Variants in ERBB4 observed in about 807,000 individuals in gnomAD.
ERBB4 encodes the protein receptor tyrosine-protein kinase erbB-4.
In ERBB4, 42 loss-of-function variants were observed where a neutral mutation model predicts 158.0. That is an observed-to-expected ratio of 0.27 (90% CI 0.21 to 0.34). The LOEUF is 0.34. Among genes scored for constraint, ERBB4 ranks in the 10% least tolerant of loss-of-function variants. ERBB4 has a pLI of 1.00. For missense variants in ERBB4, 1,333 were observed against 1,624.1 expected (o/e 0.82, Z 3.08); for synonymous variants, 583 against 558.7 (o/e 1.04, Z -0.61).
At chr2:212,099,675 G>A (rs2079027500) in intron 2 of ERBB4, among the ~76,000 whole-genome samples, 1 of 151,408 alleles carries the variant, frequency 6.6e-6, no homozygotes, top group Non-Finnish European at 1.5e-5. Flanking sequence ...TTGGCTCTAG[G>A]GCAATGCCAA....
At chr2:212,482,180 A>C (rs1488877119) in intron 1 of ERBB4, among the ~76,000 whole-genome samples, 1 of 152,240 alleles carries the variant, frequency 6.6e-6, no homozygotes, top group Non-Finnish European at 1.5e-5. Flanking sequence ...CTTCACTTGC[A>C]AATGATCGAA....
intron 3 of ERBB4, among the ~76,000 whole-genome samples, chr2:211,927,668 A>AT (rs1302860767): frequency 1.1e-4 from 16 of 152,280 alleles, no homozygotes; most frequent in African/African-American, 3.8e-4. Context: ...AGTGAGGAAG[A>AT]TAAAACCAGT....
intron 3 of ERBB4, among the ~76,000 whole-genome samples, chr2:211,904,509 T>C (rs2079325321): frequency 6.6e-6 from 1 of 152,112 alleles, no homozygotes; most frequent in South Asian, 2.1e-4. Context: ...TAAAATACCA[T>C]ACAGTAGAAC....
At chr2:211,450,678 A>C (rs544831312) in intron 20 of ERBB4, among the ~76,000 whole-genome samples, 7 of 152,324 alleles carry the variant, frequency 4.6e-5, no homozygotes, top group African/African-American at 1.2e-4. Flanking sequence ...ACTAATGTTT[A>C]TATTATTCAG....
At chr2:212,369,645 C>A (rs1040501212) in intron 1 of ERBB4, among the ~76,000 whole-genome samples, 1 of 151,890 alleles carries the variant, frequency 6.6e-6, no homozygotes, top group African/African-American at 2.4e-5. Context: ...TGTCATTTAA[C>A]CTTGCTCTCT....
chr2:211,904,268 C>A (rs1241490240), intron 3 of ERBB4, among the ~76,000 whole-genome samples: 3 of 152,048 alleles, frequency 2.0e-5, no homozygotes, highest in Non-Finnish European at 4.4e-5. Context: ...ATGTAGAGAA[C>A]CGAACACTGC....
intron 4 of ERBB4, among the ~76,000 whole-genome samples, chr2:211,770,637 C>A (rs1470963219): frequency 6.6e-6 from 1 of 152,126 alleles, no homozygotes; most frequent in Non-Finnish European, 1.5e-5. Flanking sequence ...CTCAGATAGA[C>A]AATTTGAATT....
chr2:211,744,670 A>C (rs1235071874), intron 5 of ERBB4, among the ~76,000 whole-genome samples: 1 of 152,170 alleles, frequency 6.6e-6, no homozygotes, highest in African/African-American at 2.4e-5. Context: ...GTGGCTTCTC[A>C]CCATTTAGTG....
At chr2:212,026,510 A>C (rs2076776154) in intron 2 of ERBB4, among the ~76,000 whole-genome samples, 1 of 151,814 alleles carries the variant, frequency 6.6e-6, no homozygotes, top group African/African-American at 2.4e-5. Context: ...GAAATTTCAA[A>C]CCTATTTATT....
Position 212,142,962 on chromosome 2 carries a change from A to G in ERBB4, c.83-18059T>C, listed in dbSNP as rs189775991. On this transcript the variant is annotated intron_variant, in intron 1 of 27. Transcript: ENST00000342788. ...TTTTTTTTTTTCAAGTCCTGGCTGA[A>G]GCAAGTTAAATGTGACTTGTTAAAA... 9.3e-4 allele frequency among the ~76,000 whole-genome samples: 141 copies of G among 152,126 alleles called. 1 individual carries two copies. The highest frequency in any genetic ancestry group is 3.3e-3 in the African/African-American group (135 of 41,530).
intron 3 of ERBB4, among the ~76,000 whole-genome samples, chr2:211,791,204 G>A (rs951572108): frequency 3.3e-5 from 5 of 151,794 alleles, no homozygotes; most frequent in African/African-American, 9.7e-5. Context: ...AGGCTTGACC[G>A]CATTTTTTAG....
intron 3 of ERBB4, among the ~76,000 whole-genome samples, chr2:211,837,383 G>A (rs546675572): frequency 5.3e-5 from 8 of 152,164 alleles, no homozygotes; most frequent in Admixed American, 4.6e-4. Flanking sequence ...AGTACATAAA[G>A]GGCTCTTAAA....
intron 27 of ERBB4, among the ~76,000 whole-genome samples, chr2:211,385,337 A>G (rs1205115834): frequency 1.3e-5 from 2 of 152,120 alleles, no homozygotes; most frequent in Non-Finnish European, 2.9e-5. Context: ...CCAGCTTTGT[A>G]GACAGAAAAA....
intron 1 of ERBB4, among the ~76,000 whole-genome samples, chr2:212,427,142 A>C (rs1263745804): frequency 6.6e-6 from 1 of 152,164 alleles, no homozygotes; most frequent in African/African-American, 2.4e-5. Flanking sequence ...AAATGAGTGT[A>C]ATTAGCAGCG....
intron 2 of ERBB4, among the ~76,000 whole-genome samples, chr2:211,955,784 C>T (rs1456943670): frequency 2.0e-5 from 3 of 152,114 alleles, no homozygotes; most frequent in African/African-American, 7.2e-5. Context: ...TCTATAAATT[C>T]TGCCTGTTCA....
intron 1 of ERBB4, among the ~76,000 whole-genome samples, chr2:212,369,743 G>T (rs1002486453): frequency 6.6e-6 from 1 of 151,930 alleles, no homozygotes; most frequent in South Asian, 2.1e-4. Flanking sequence ...TGCCTGGCTG[G>T]ACTGCAGTGT....
At chr2:211,888,679 C>T (rs143070224) in intron 3 of ERBB4, among the ~76,000 whole-genome samples, 18,695 of 150,932 alleles carry the variant, frequency 0.12, 1,243 homozygotes, top group African/African-American at 0.23. Flanking sequence ...TGGGCGCAGG[C>T]CAGTGGGTGC....
At chr2:212,428,628 C>T (rs979099076) in intron 1 of ERBB4, among the ~76,000 whole-genome samples, 1 of 152,122 alleles carries the variant, frequency 6.6e-6, no homozygotes, top group East Asian at 1.9e-4. Context: ...AATAATACCA[C>T]ATTGTATACT....
At chr2:211,618,742 GTCTT>G (rs1245491948) in intron 19 of ERBB4, among the ~76,000 whole-genome samples, 1 of 152,060 alleles carries the variant, frequency 6.6e-6, no homozygotes, top group African/African-American at 2.4e-5. Flanking sequence ...CCACCACATA[GTCTT>G]TCTAACACTC....
Sources: allele counts gnomAD v4.1 joint callset (sites outside exome capture counted in the v4.1 genomes callset), GRCh38; gene constraint gnomAD v4.1.1; transcripts MANE v1.5; gene names NCBI Gene and HGNC (gene_info 2026-07-23, HGNC 2026-07-21).